MGAT5: variants seen among roughly 807,000 people sequenced by gnomAD.
MGAT5 encodes alpha-1,6-mannosylglycoprotein 6-beta-N-acetylglucosaminyltransferase A.
Under a neutral mutation model 94.3 loss-of-function variants are expected in MGAT5, and 30 were observed. The ratio of observed to expected loss-of-function variants is 0.32; its 90% CI spans 0.24 to 0.43. MGAT5 has a LOEUF of 0.43. MGAT5 is among the 20% of genes least tolerant of loss of function. The probability of loss-of-function intolerance (pLI) is 1.00; values close to 1 mark genes in which losing one functional copy is unlikely to be tolerated. For synonymous variants in MGAT5, 310 were observed against 322.9 expected, an observed-to-expected ratio of 0.96 and a Z score of 0.43; for missense variants, 691 against 905.5, an observed-to-expected ratio of 0.76 and a Z score of 3.04.
intron 1 of MGAT5, among the ~76,000 whole-genome samples, chr2:134,157,794 C>T (rs1687544375): frequency 6.6e-6 from 1 of 151,900 alleles, no homozygotes. Flanking sequence ...ATTAGATTAT[C>T]ATAAGGGGCA....
chr2:134,437,136 G>A (rs71417507), intron 14 of MGAT5, among the ~76,000 whole-genome samples: 10,536 of 152,146 alleles, frequency 0.069, 476 homozygotes, highest in East Asian at 0.13. Flanking sequence ...TTACAGGCGC[G>A]CGCCACCATG....
intron 2 of MGAT5, among the ~76,000 whole-genome samples, chr2:134,306,824 CA>C (rs1686357693): frequency 6.6e-6 from 1 of 152,174 alleles, no homozygotes; most frequent in African/African-American, 2.4e-5. Context: ...AGATCTCTTA[CA>C]AGACAAAGCC....
chr2:134,160,242 C>T (rs1229840374), intron 1 of MGAT5, among the ~76,000 whole-genome samples: 3 of 152,242 alleles, frequency 2.0e-5, no homozygotes, highest in Admixed American at 6.5e-5. Flanking sequence ...GGCGCAATCT[C>T]GGCTCACTGC....
chr2:134,322,861 C>G (rs1687415460), intron 4 of MGAT5, among the ~76,000 whole-genome samples: 1 of 152,136 alleles, frequency 6.6e-6, no homozygotes, highest in Admixed American at 6.5e-5. Context: ...ATGTGATCAA[C>G]ACATGCACCA....
At chr2:134,157,364 A>G (rs1687524736) in intron 1 of MGAT5, among the ~76,000 whole-genome samples, 1 of 152,156 alleles carries the variant, frequency 6.6e-6, no homozygotes, top group African/African-American at 2.4e-5. Flanking sequence ...ATGAAAGCTT[A>G]TTTTTTAAAA....
At position 134,168,419 on chromosome 2, in the gene MGAT5, G is replaced by C. The variant is rs371313464; in HGVS notation, c.-143+48128G>C. ...ACTTTTCATGGAGACTTGATGAGAG[G>C]CCTCATTGAAATGGAAAGATGAGAG... On this transcript the variant is annotated intron_variant, in intron 1 of 16. Transcript: ENST00000409645. Among the ~76,000 whole-genome samples the C allele has an allele frequency of 1.1e-4, 16 of 152,246 alleles. No individual in the cohort carries two copies. In the East Asian group the frequency reaches 2.9e-3, roughly 28 times the overall value.
chr2:134,423,372 G>A (rs1684404622), intron 13 of MGAT5, among the ~76,000 whole-genome samples: 1 of 152,096 alleles, frequency 6.6e-6, no homozygotes, highest in Non-Finnish European at 1.5e-5. Context: ...CTACATTTCT[G>A]GCCTCTTCTG....
At chr2:134,247,312 G>T (rs1215298851) in intron 1 of MGAT5, among the ~76,000 whole-genome samples, 3 of 140,030 alleles carry the variant, frequency 2.1e-5, no homozygotes, top group Non-Finnish European at 4.6e-5. Context: ...TTAGGGTAGT[G>T]CTTTTTTGTC....
intron 2 of MGAT5, among the ~76,000 whole-genome samples, chr2:134,294,973 C>T (rs1229327757): frequency 6.6e-6 from 1 of 152,136 alleles, no homozygotes; most frequent in Non-Finnish European, 1.5e-5. Flanking sequence ...AAGGTGGACG[C>T]GTCAACTTAT....
chr2:134,159,625 G>A (rs2105057126), intron 1 of MGAT5, among the ~76,000 whole-genome samples: 1 of 152,268 alleles, frequency 6.6e-6, no homozygotes. Flanking sequence ...TGAGGCAGGT[G>A]GATTACTTGA....
intron 9 of MGAT5, among the ~76,000 whole-genome samples, chr2:134,359,745 G>A (rs1679964386): frequency 6.6e-6 from 1 of 152,204 alleles, no homozygotes; most frequent in African/African-American, 2.4e-5. Flanking sequence ...TCAATGAAAT[G>A]AACATTTCAG....
chr2:134,369,985 C>T (rs1463953495), intron 10 of MGAT5, among the ~76,000 whole-genome samples: 2 of 152,100 alleles, frequency 1.3e-5, no homozygotes, highest in African/African-American at 2.4e-5. Flanking sequence ...TTTGGCTTTC[C>T]AGTAAGATTT....
At position 134,229,488 on chromosome 2, in the gene MGAT5, G is replaced by A. The variant is rs145684630; in HGVS notation, c.-142-24774G>A. On this transcript the variant is annotated intron_variant, in intron 1 of 16. Transcript: ENST00000409645. The stretch of plus-strand genomic sequence containing the variant: ...TAATCAGCTAAATAAGATCTTTGCC[G>A]TGTTTATTTTATATTTGTAAAAGTC... Among the ~76,000 whole-genome samples the A allele has an allele frequency of 4.6e-5, 7 of 152,044 alleles. No individual in the cohort carries two copies. The East Asian group carries it at 7.7e-4, about 17-fold the overall frequency.
At chr2:134,300,410 T>C (rs1351879698) in intron 2 of MGAT5, among the ~76,000 whole-genome samples, 1 of 152,160 alleles carries the variant, frequency 6.6e-6, no homozygotes, top group African/African-American at 2.4e-5. Context: ...AATTATTTCC[T>C]AGTACTAGTG....
At chr2:134,177,113 T>C (rs1688502020) in intron 1 of MGAT5, among the ~76,000 whole-genome samples, 1 of 93,426 alleles carries the variant, frequency 1.1e-5, no homozygotes, top group Non-Finnish European at 2.1e-5. Context: ...GCACGTGTCC[T>C]GTGATAGGGA....
chr2:134,237,635 T>TG (rs1470251707), intron 1 of MGAT5, among the ~76,000 whole-genome samples: 1 of 128,702 alleles, frequency 7.8e-6, no homozygotes, highest in African/African-American at 2.8e-5. Context: ...TTTTTTTTTT[T>TG]TTTGAGATGG....
At chr2:134,167,701 G>A (rs1232448397) in intron 1 of MGAT5, among the ~76,000 whole-genome samples, 3 of 152,206 alleles carry the variant, frequency 2.0e-5, no homozygotes, top group Non-Finnish European at 4.4e-5. Context: ...TGCAAGTCTT[G>A]TAAAGGGAAT....
Position 134,255,982 on chromosome 2 carries a change from A to G in MGAT5, c.241+1338A>G, listed in dbSNP as rs550770045. The stretch of plus-strand genomic sequence containing the variant: ...CACGTATGTGTATGTGTGTGTGTGT[A>G]TGTGTATATATTAGAAGATGCTTAC... On this transcript the variant is annotated intron_variant, in intron 1 of 15. Coordinates refer to ENST00000281923, the MANE Select transcript of MGAT5 (RefSeq NM_002410.5). Among the ~76,000 whole-genome samples the G allele has an allele frequency of 2.6e-5, 4 of 152,240 alleles. 1 individual carries two copies. The highest frequency in any genetic ancestry group is 1.9e-4 in the East Asian group (1 of 5,182).
chr2:134,163,650 G>A (rs1184354560), intron 1 of MGAT5, among the ~76,000 whole-genome samples: 2 of 152,224 alleles, frequency 1.3e-5, no homozygotes, highest in Non-Finnish European at 2.9e-5. Flanking sequence ...AGAGGAACAT[G>A]TGAGTTTATT....
Sources: allele counts gnomAD v4.1 joint callset (sites outside exome capture counted in the v4.1 genomes callset), GRCh38; gene constraint gnomAD v4.1.1; transcripts MANE v1.5; gene names NCBI Gene and HGNC (gene_info 2026-07-23, HGNC 2026-07-21).